SULF2: variants seen among roughly 807,000 people sequenced by gnomAD.
SULF2 encodes the protein sulfatase 2.
Under a neutral mutation model 107.7 loss-of-function variants are expected in SULF2, and 52 were observed. The ratio of observed to expected loss-of-function variants is 0.48; its 90% CI spans 0.39 to 0.61. SULF2 has a LOEUF of 0.61. Ranked by LOEUF, SULF2 falls within the 20% of genes least tolerant of loss-of-function variation. SULF2 has a pLI of 0.00. For missense variants in SULF2, 993 were observed against 1,177.3 expected (o/e 0.84, Z 2.29); for synonymous variants, 460 against 464.3 (o/e 0.99, Z 0.12).
chr20:47,762,706 G>T (rs546262377), intron 1 of SULF2, among the ~76,000 whole-genome samples: 1 of 152,334 alleles, frequency 6.6e-6, no homozygotes, highest in African/African-American at 2.4e-5. Context: ...GGGTACAGGG[G>T]GGCTGGGAAG....
intron 1 of SULF2, among the ~76,000 whole-genome samples, chr20:47,773,599 C>G (rs918276832): frequency 6.6e-6 from 1 of 152,244 alleles, no homozygotes; most frequent in Non-Finnish European, 1.5e-5. Context: ...AAGTAGAAAT[C>G]AGATACAGAA....
chr20:47,758,116 G>GA (rs1203632133), intron 1 of SULF2, among the ~76,000 whole-genome samples: 14 of 151,076 alleles, frequency 9.3e-5, no homozygotes, highest in Non-Finnish European at 1.8e-4. Flanking sequence ...GGATGCGTGT[G>GA]AAAGCCCCTT....
chr20:47,749,260 G>A (rs938675376), intron 2 of SULF2, among the ~76,000 whole-genome samples: 4 of 152,176 alleles, frequency 2.6e-5, no homozygotes, highest in African/African-American at 9.7e-5. Context: ...TCTTGTTTAA[G>A]CCACTGTTAT....
chr20:47,770,049 TG>T (rs2090600247), intron 1 of SULF2, among the ~76,000 whole-genome samples: 1 of 130,434 alleles, frequency 7.7e-6, no homozygotes, highest in South Asian at 2.5e-4. Flanking sequence ...TGTGATCTGG[TG>T]TAGTTTTTTT....
chr20:47,710,301 G>T (rs1205463984), intron 3 of SULF2, among the ~76,000 whole-genome samples: 1 of 151,846 alleles, frequency 6.6e-6, no homozygotes, highest in East Asian at 1.9e-4. Context: ...GCCTCCCAAG[G>T]TGCTGGGAAT....
intron 1 of SULF2, among the ~76,000 whole-genome samples, chr20:47,758,020 T>C (rs1433632717): frequency 2.6e-5 from 4 of 152,160 alleles, no homozygotes; most frequent in African/African-American, 9.7e-5. Context: ...TGGCTCAGTT[T>C]TCCCGTGAGC....
intron 11 of SULF2, among the ~76,000 whole-genome samples, chr20:47,667,553 T>G (rs527547219): frequency 5.9e-5 from 9 of 152,216 alleles, no homozygotes; most frequent in Non-Finnish European, 1.2e-4. Flanking sequence ...CAGTTCCATA[T>G]GGTCAGGACG....
intron 2 of SULF2, among the ~76,000 whole-genome samples, chr20:47,756,907 A>G (rs2090303212): frequency 6.6e-6 from 1 of 152,096 alleles, no homozygotes; most frequent in African/African-American, 2.4e-5. Flanking sequence ...CGGCCTCCCA[A>G]CGTGCTGGGA....
intron 11 of SULF2, among the ~76,000 whole-genome samples, chr20:47,668,775 C>G (rs2087362883): frequency 6.6e-6 from 1 of 152,192 alleles, no homozygotes; most frequent in Non-Finnish European, 1.5e-5. Context: ...TGGGCCCACT[C>G]CCTGCCTCTC....
At chr20:47,727,650 C>T (rs775557106) in intron 3 of SULF2, among the ~76,000 whole-genome samples, 4 of 152,272 alleles carry the variant, frequency 2.6e-5, no homozygotes, top group Non-Finnish European at 4.4e-5. Flanking sequence ...CCTCTTACGG[C>T]GCAGGGAACC....
In SULF2 at chr20:47,702,609, C is replaced by G; in HGVS notation, c.477G>C (p.Glu159Asp). The G allele has an allele frequency of 6.2e-7, 1 of 1,613,918 alleles. No individual in the cohort carries two copies. The highest frequency in any genetic ancestry group is 1.3e-5 in the African/African-American group (1 of 75,056). Residue 159 changes from glutamate (E) to aspartate (D), a missense_variant, in exon 4 of 21, where the codon GAG becomes GAC. Glu to Asp is a conservative substitution (Grantham distance 45). This residue lies in a region of SULF2 where 388 missense variants were observed against 449.2 expected (regional missense o/e 0.86). Coordinates refer to ENST00000688720, the MANE Select transcript of SULF2 (RefSeq NM_001387048.1). Reference protein sequence around the residue: ...NGSYVPPGWKEWVGLLKNSRF... With the variant: ...NGSYVPPGWKDWVGLLKNSRF... ...GGGAGTTTTTAAGGAGTCCGACCCA[C>G]TCCTTCCAGCCGGGTGGCACGTAGG...
chr20:47,772,295 T>G (rs1315552341), intron 1 of SULF2, among the ~76,000 whole-genome samples: 1 of 152,236 alleles, frequency 6.6e-6, no homozygotes, highest in East Asian at 1.9e-4. Context: ...CACAGGGTGT[T>G]CACAGGCCTC....
rs754517754 is a variant in SULF2, at chr20:47,718,867, G to A, written c.416-16197C>T. 1.8e-4 allele frequency among the ~76,000 whole-genome samples: 27 copies of A among 152,286 alleles called. No individual in the cohort carries two copies. In the South Asian group the frequency reaches 2.5e-3, roughly 14 times the overall value. Reference sequence around the variant, plus strand: ...AGACCAGGTTCACAGAAAAGCTACGGAATTACAAACTGAGGAGCTGTAAGC... The same window carrying A: ...AGACCAGGTTCACAGAAAAGCTACGAAATTACAAACTGAGGAGCTGTAAGC... On this transcript the variant is annotated intron_variant, in intron 3 of 20. Coordinates refer to ENST00000688720, the MANE Select transcript of SULF2 (RefSeq NM_001387048.1).
chr20:47,767,028 G>A (rs1397615581), intron 1 of SULF2, among the ~76,000 whole-genome samples: 2 of 152,110 alleles, frequency 1.3e-5, no homozygotes, highest in Non-Finnish European at 2.9e-5. Flanking sequence ...CAAACAGCCT[G>A]ATACTTACTT....
At chr20:47,695,540 C>A (rs963635967) in intron 4 of SULF2, among the ~76,000 whole-genome samples, 5 of 152,174 alleles carry the variant, frequency 3.3e-5, no homozygotes, top group African/African-American at 1.2e-4. Context: ...CAGTATTTGT[C>A]CTTCTGTGTC....
chr20:47,699,250 G>A (rs1335775274), intron 4 of SULF2, among the ~76,000 whole-genome samples: 1 of 152,028 alleles, frequency 6.6e-6, no homozygotes, highest in Non-Finnish European at 1.5e-5. Flanking sequence ...ATTCACCTTG[G>A]AATAGCCAGC....
intron 4 of SULF2, among the ~76,000 whole-genome samples, chr20:47,699,954 G>T (rs931475894): frequency 2.0e-5 from 3 of 152,096 alleles, no homozygotes; most frequent in African/African-American, 7.2e-5. Context: ...GTTCTCTAGT[G>T]ACTTTAACCT....
intron 11 of SULF2, among the ~76,000 whole-genome samples, chr20:47,670,200 TTTTG>T (rs1243312067): frequency 5.3e-5 from 8 of 152,052 alleles, no homozygotes; most frequent in Non-Finnish European, 8.8e-5. Flanking sequence ...AATGGAGACT[TTTTG>T]TTTTTTTTGA....
intron 8 of SULF2, among the ~76,000 whole-genome samples, chr20:47,677,582 C>T (rs1015305784): frequency 4.6e-5 from 7 of 152,182 alleles, no homozygotes; most frequent in Non-Finnish European, 8.8e-5. Context: ...CAGTGTCAGG[C>T]GCAGTGGTTG....
Sources: gnomAD v4.1 joint callset for allele counts (sites outside exome capture counted in the v4.1 genomes callset) on GRCh38, gnomAD v4.1.1 for gene constraint, gnomAD v4.1.1 regional missense constraint, MANE v1.5 for transcripts, NCBI Gene and HGNC (gene_info 2026-07-23, HGNC 2026-07-21) for gene names.